The following BCAR1 variants were observed in gnomAD, a reference collection of about 807,000 sequenced individuals.
BCAR1 encodes BCAR1 scaffold protein, Cas family member.
A neutral mutation model predicts 67.6 loss-of-function variants in BCAR1; 30 were observed. The ratio of observed to expected loss-of-function variants is 0.44; its 90% CI spans 0.33 to 0.60. BCAR1 has a LOEUF of 0.60. Ranked by LOEUF, BCAR1 falls within the 20% of genes least tolerant of loss-of-function variation. BCAR1 has a pLI of 0.02. For missense variants in BCAR1, 1,313 were observed against 1,222.3 expected, an observed-to-expected ratio of 1.07 and a Z score of -1.11; for synonymous variants, 626 against 556.7, an observed-to-expected ratio of 1.12 and a Z score of -1.75.
Position 75,229,594 on chromosome 16 carries a change from G to A in BCAR1, c.2530C>T (p.Gln844Ter). 6.2e-7 allele frequency: 1 copy of A among 1,611,512 alleles called. No homozygotes were observed. Among genetic ancestry groups the A allele is most frequent in the Non-Finnish European group, 8.5e-7 (1 of 1,179,614 alleles). Residue 844 changes from glutamine to a stop codon, truncating the protein, a stop_gained, in exon 7 of 7, where the codon CAG becomes TAG. Coordinates refer to ENST00000162330, the MANE Select transcript of BCAR1 (RefSeq NM_014567.5). LOFTEE classifies it high-confidence loss of function. ...TCCTTGACCCTCTCCACCATGTCCT[G>A]GGCCGCGGAAGGCGATGGGTACTGC... ...ALQYPSPSAAQDMVERVKELG... is the reference protein window; with the variant it reads ...ALQYPSPSAA
At chr16:75,243,523 T>G (rs373328792) in intron 1 of BCAR1, 20 of 511,288 alleles carry the variant, frequency 3.9e-5, no homozygotes, top group African/African-American at 3.7e-4. Flanking sequence ...GAACAGCTTC[T>G]TAGGATAAAA....
chr16:75,234,946 C>A lies in BCAR1; in HGVS notation c.1953G>T (p.Gly651=). ...PKFTSQDSPD[G]QYENSEGGWM... ...AGCCCCCCTCGCTGTTCTCGTACTG[C>A]CCATCTGGCGAGTCCTGGGAGGTGA... The change falls in exon 5 of 7, where the codon GGG becomes GGT. Residue 651 remains glycine (G), a synonymous_variant. Transcript: ENST00000162330. 1 of 1,581,022 alleles carries A rather than the reference C, an allele frequency of 6.3e-7. No homozygotes were observed. Among genetic ancestry groups the A allele is most frequent in the Non-Finnish European group, 8.6e-7 (1 of 1,158,838 alleles).
chr16:75,264,995 G>C (rs1597294251), intron 1 of BCAR1: 1 of 152,894 alleles, frequency 6.5e-6, no homozygotes, highest in Admixed American at 6.5e-5. Flanking sequence ...CTGGTTACCC[G>C]GGGTAGCCAG....
intron 1 of BCAR1, among the ~76,000 whole-genome samples, chr16:75,260,093 C>A (rs2077869747): frequency 6.6e-6 from 1 of 151,864 alleles, no homozygotes; most frequent in African/African-American, 2.4e-5. Flanking sequence ...GTTTGGGAGA[C>A]TGAGGCAGGA....
chr16:75,236,535 C>T (rs2077141630), intron 4 of BCAR1: 1 of 415,834 alleles, frequency 2.4e-6, no homozygotes, highest in African/African-American at 2.0e-5. Flanking sequence ...TCTGGTTTGC[C>T]CAGGACAGTG....
chr16:75,251,664 C>A (rs1391377829), upstream of BCAR1: 1 of 997,410 alleles, frequency 1.0e-6, no homozygotes, highest in Non-Finnish European at 1.2e-6. Context: ...GCCGGCCCAG[C>A]CCGATCCCAG....
chr16:75,252,419 GA>G (rs2077700881), upstream of BCAR1: 6 of 1,451,090 alleles, frequency 4.1e-6, no homozygotes, highest in Non-Finnish European at 5.4e-6. Flanking sequence ...GAGGGAGATA[GA>G]AGGAAGAATC....
chr16:75,265,723 C>T, intron 1 of BCAR1: 1 of 1,175,576 alleles, frequency 8.5e-7, no homozygotes. Context: ...AGGCGACCCC[C>T]AGTCCGGGAG....
chr16:75,257,319 C>T (rs1217892180), intron 1 of BCAR1, among the ~76,000 whole-genome samples: 1 of 152,216 alleles, frequency 6.6e-6, no homozygotes, highest in Non-Finnish European at 1.5e-5. Flanking sequence ...CTCACAGATA[C>T]CCACCCGGCC....
upstream of BCAR1, among the ~76,000 whole-genome samples, chr16:75,254,472 G>T (rs1385668511): frequency 6.6e-6 from 1 of 152,242 alleles, no homozygotes; most frequent in African/African-American, 2.4e-5. Context: ...GCCCTCATGG[G>T]ATAGGCTGGC....
intron 2 of BCAR1, among the ~76,000 whole-genome samples, chr16:75,237,889 G>C (rs575760821): frequency 6.6e-6 from 1 of 152,312 alleles, no homozygotes; most frequent in East Asian, 1.9e-4. Flanking sequence ...GCACAGCATG[G>C]GGAGACTCTG....
At chr16:75,243,425 G>A (rs997178756) in intron 1 of BCAR1, 2 of 598,506 alleles carry the variant, frequency 3.3e-6, no homozygotes, top group African/African-American at 1.8e-5. Flanking sequence ...AACACAAGGA[G>A]AGCGGCAGTA....
chr16:75,255,986 G>A (rs1189369257), upstream of BCAR1, among the ~76,000 whole-genome samples: 2 of 152,180 alleles, frequency 1.3e-5, no homozygotes, highest in African/African-American at 2.4e-5. Flanking sequence ...GCGAAACTAC[G>A]TCTCAAAAAA....
intron 1 of BCAR1, among the ~76,000 whole-genome samples, chr16:75,257,037 G>C (rs927366610): frequency 1.1e-4 from 16 of 152,218 alleles, no homozygotes; most frequent in African/African-American, 3.9e-4. Context: ...GAGGGGCTCA[G>C]TCCTGGCTGG....
chr16:75,234,079 A>G, intron 5 of BCAR1, 144 bp from the exon 6 acceptor site: 1 of 694,542 alleles, frequency 1.4e-6, no homozygotes, highest in Non-Finnish European at 2.5e-6. Context: ...GGACGCACAC[A>G]CACACTAGCA....
chr16:75,236,914 C>G lies in BCAR1; in HGVS notation c.880G>C (p.Glu294Gln), dbSNP rs1334815698. The G allele has an allele frequency of 1.2e-6, 2 of 1,612,252 alleles. No homozygotes were observed. The highest frequency in any genetic ancestry group is 2.7e-5 in the African/African-American group (2 of 74,922). Residue 294 changes from glutamate (E) to glutamine (Q), a missense_variant, in exon 4 of 7, where the codon GAG (glutamate) becomes CAG (glutamine). Around this residue, in one of 2 missense-constraint regions of BCAR1, gnomAD observed 1,272 missense variants for 1,137.5 expected, o/e 1.12. Transcript: ENST00000162330. ...TGGTTGGACGGTGGCAGGCCCTTCT[C>G]CACACTGGGGGGCACGTCATACACC... Reference protein sequence around the residue: ...LEVYDVPPSVEKGLPPSNHHA... With the variant: ...LEVYDVPPSVQKGLPPSNHHA...
At chr16:75,238,092 A>G in intron 2 of BCAR1, 1 of 1,288,856 alleles carries the variant, frequency 7.8e-7, no homozygotes, top group Non-Finnish European at 1.0e-6. Context: ...TGCTCTTACC[A>G]TGACCCAGAG....
chr16:75,241,762 C>A (rs1403266946), intron 2 of BCAR1, among the ~76,000 whole-genome samples: 1 of 152,198 alleles, frequency 6.6e-6, no homozygotes, highest in Non-Finnish European at 1.5e-5. Context: ...TCCACCTCAG[C>A]CCTGGGCTGA....
Position 75,239,009 on chromosome 16 carries a change from G to A in BCAR1, c.634-1665C>T, listed in dbSNP as rs1054119772. ...CCCAACCTCACGCGGTGAGGCCCAG[G>A]GGTGCAGCTGGACCCAGGCCTGCCT... On this transcript the variant is annotated intron_variant, in intron 2 of 6. Transcript: ENST00000162330. 4.1e-6 allele frequency: 4 copies of A among 985,300 alleles called. No individual in the cohort carries two copies. The African/African-American group carries it at 7.0e-5, about 17-fold the overall frequency. The allele number at this position is 985,300 out of a possible 1,614,324, so 61.0% of individuals were successfully genotyped here.
Sources: gnomAD v4.1 joint callset for allele counts (sites outside exome capture counted in the v4.1 genomes callset) on GRCh38, gnomAD v4.1.1 for gene constraint, gnomAD v4.1.1 regional missense constraint, MANE v1.5 for transcripts, NCBI Gene and HGNC (gene_info 2026-07-23, HGNC 2026-07-21) for gene names.